LHX9: variants seen among roughly 807,000 people sequenced by gnomAD.
The protein encoded by LHX9 is LIM homeobox 9.
LHX9 carries 9 observed loss-of-function variants against 36.5 expected under a neutral mutation model. That is an observed-to-expected ratio of 0.25 (90% CI 0.15 to 0.43). The LOEUF (loss-of-function observed/expected upper bound fraction) is 0.43. Among genes scored for constraint, LHX9 ranks in the 20% least tolerant of loss-of-function variants. LHX9 has a pLI of 1.00. For missense variants in LHX9, 464 were observed against 526.4 expected, an observed-to-expected ratio of 0.88 and a Z score of 1.16; for synonymous variants, 211 against 212.1, an observed-to-expected ratio of 0.99 and a Z score of 0.04.
In LHX9 at chr1:197,931,348, A is replaced by G. The variant is rs1359145863; in HGVS notation, c.*2089A>G. On this transcript the variant is annotated 3_prime_UTR_variant, in exon 5 of 5. Transcript: ENST00000367387. ...ATAGTACAGTAAGTGGTCTAGCAAA[A>G]TTGTCCATGTTTCTTTGTTTATTGA... The G allele has an allele frequency of 1.3e-5, 2 of 152,010 alleles. No individual in the cohort carries two copies. Among genetic ancestry groups the G allele is most frequent in the Non-Finnish European group, 2.9e-5 (2 of 67,882 alleles). The allele number at this position is 152,010 out of a possible 1,614,324, so 9.4% of individuals were successfully genotyped here.
Position 197,930,028 on chromosome 1 carries a change from C to A in LHX9, c.*769C>A. ...GATTTTGACATTCCATACTTTTAAC[C>A]TCCTAAAGCTAAAAACAATAGCTCG... On this transcript the variant is annotated 3_prime_UTR_variant, in exon 5 of 5. Coordinates refer to ENST00000367387, the MANE Select transcript of LHX9 (RefSeq NM_020204.3). 1.0e-6 allele frequency: 1 copy of A among 981,814 alleles called. No individual in the cohort carries two copies. 60.8% of individuals were successfully genotyped at this position (981,814 alleles called of 1,614,324 possible).
chr1:197,913,789 G>A (rs1426725451), upstream of LHX9, among the ~76,000 whole-genome samples: 2 of 152,196 alleles, frequency 1.3e-5, no homozygotes, highest in Non-Finnish European at 2.9e-5. Flanking sequence ...GAAAGGTAAC[G>A]CCTCCTTCTT....
Position 197,920,236 on chromosome 1 carries a change from C to T in LHX9, c.377+62C>T, listed in dbSNP as rs982801593. On this transcript the variant is annotated intron_variant, in intron 2 of 4. Coordinates refer to ENST00000367387, the MANE Select transcript of LHX9 (RefSeq NM_020204.3). ...CACCTGGAGGGGCCATCTGCCTGAGCCCGGAATCCCCTCTCCGTCCCCTAC... is the reference window on the plus strand; with the variant it reads ...CACCTGGAGGGGCCATCTGCCTGAGTCCGGAATCCCCTCTCCGTCCCCTAC... 20 of 1,490,122 alleles carry T rather than the reference C, an allele frequency of 1.3e-5. No individual in the cohort carries two copies. The African/African-American group carries it at 2.6e-4, about 20-fold the overall frequency. 92.3% of individuals were successfully genotyped at this position (1,490,122 alleles called of 1,614,324 possible).
Position 197,935,366 on chromosome 1 carries a change from T to A in LHX9, c.*6107T>A, listed in dbSNP as rs866057430. On this transcript the variant is annotated 3_prime_UTR_variant, in exon 5 of 5. Transcript: ENST00000367387. ...TCACATATTAGAATTGTCAGGAAAG[T>A]TTTTTTCTTTTGGAACTTTCTGTTT... 6.6e-5 allele frequency: 10 copies of A among 152,302 alleles called. No homozygotes were observed. The highest frequency in any genetic ancestry group is 3.9e-4 in the East Asian group (2 of 5,190). The allele number at this position is 152,302 out of a possible 1,614,324, so 9.4% of individuals were successfully genotyped here.
At position 197,929,677 on chromosome 1, in the gene LHX9, A is replaced by G. The variant is rs539239055; in HGVS notation, c.*418A>G. On this transcript the variant is annotated 3_prime_UTR_variant, in exon 5 of 5. Transcript: ENST00000367387. ...TTAATAAAGAACCAGATAATTAATT[A>G]GTTACTTTTTAAATCTTGCAATTGT... 3.6e-5 allele frequency: 33 copies of G among 916,864 alleles called. No individual in the cohort carries two copies. The Admixed American group carries it at 6.8e-4, about 19-fold the overall frequency. The allele number at this position is 916,864 out of a possible 1,614,324, so 56.8% of individuals were successfully genotyped here. A position where few individuals can be genotyped will look rare whatever the true frequency, so the allele number is the denominator to read the frequency against.
At chr1:197,914,296 A>T (rs1659689804), upstream of LHX9, among the ~76,000 whole-genome samples, 1 of 152,174 alleles carries the variant, frequency 6.6e-6, no homozygotes, top group African/African-American at 2.4e-5. Context: ...GGCTAGAGAG[A>T]ACCACATGCA....
chr1:197,914,430 C>T (rs552216232), upstream of LHX9, among the ~76,000 whole-genome samples: 2 of 152,226 alleles, frequency 1.3e-5, no homozygotes, highest in South Asian at 4.2e-4. Context: ...GCCACCGGGC[C>T]TCAGCCCCTC....
At chr1:197,918,971 A>T (rs1359638521) in intron 1 of LHX9, among the ~76,000 whole-genome samples, 1 of 152,008 alleles carries the variant, frequency 6.6e-6, no homozygotes, top group African/African-American at 2.4e-5. Context: ...ACGTGTCTAT[A>T]TTTGTAACAC....
chr1:197,913,922 C>A (rs940093500), upstream of LHX9, among the ~76,000 whole-genome samples: 1 of 152,244 alleles, frequency 6.6e-6, no homozygotes, highest in African/African-American at 2.4e-5. Context: ...TCAACCCTAA[C>A]TGTTCTGTGG....
At chr1:197,917,168 C>T (rs1003875339), upstream of LHX9, 1 of 933,576 alleles carries the variant, frequency 1.1e-6, no homozygotes, top group African/African-American at 1.8e-5. Flanking sequence ...CCCCCTCCTC[C>T]TGCCTCCCCG....
In LHX9 at chr1:197,931,880, G is replaced by T; in HGVS notation, c.*2621G>T. 2.0e-6 allele frequency: 3 copies of T among 1,486,432 alleles called. No homozygotes were observed. The highest frequency in any genetic ancestry group is 4.9e-5 in the East Asian group (2 of 40,536). 92.1% of individuals were successfully genotyped at this position (1,486,432 alleles called of 1,614,324 possible). ...ATTGCAGACCCCTAAAAGCCAAGTT[G>T]CTCTGTAGTTAATAAATTGTCACTA... On this transcript the variant is annotated 3_prime_UTR_variant, in exon 5 of 5. Coordinates refer to ENST00000367387, the MANE Select transcript of LHX9 (RefSeq NM_020204.3).
chr1:197,917,500 C>G lies in LHX9; in HGVS notation c.-324C>G, dbSNP rs1383886994. The G allele has an allele frequency of 2.2e-6, 3 of 1,391,920 alleles. No homozygotes were observed. The highest frequency in any genetic ancestry group is 2.2e-5 in the Admixed American group (1 of 45,924). The allele number at this position is 1,391,920 out of a possible 1,614,324, so 86.2% of individuals were successfully genotyped here. A position where few individuals can be genotyped will look rare whatever the true frequency, so the allele number is the denominator to read the frequency against. Reference sequence around the variant, plus strand: ...TTCACCAGATTTTGTTTTCCTCCCCCCGCTGCAGTTGTTTCCCATTAGTAA... The same window carrying G: ...TTCACCAGATTTTGTTTTCCTCCCCGCGCTGCAGTTGTTTCCCATTAGTAA... On this transcript the variant is annotated 5_prime_UTR_variant, in exon 1 of 5. Coordinates refer to ENST00000367387, the MANE Select transcript of LHX9 (RefSeq NM_020204.3).
chr1:197,934,587 A>G lies in LHX9; in HGVS notation c.*5328A>G, dbSNP rs930257272. ...TTCCACAACAGGGCAAAATAAGCAC[A>G]GTAGGACTTAGTCCAAATTGACGAA... is the stretch of plus-strand genomic sequence containing the variant. On this transcript the variant is annotated 3_prime_UTR_variant, in exon 5 of 5. Transcript: ENST00000367387. 6.6e-6 allele frequency: 1 copy of G among 152,198 alleles called. No individual in the cohort carries two copies. The highest frequency in any genetic ancestry group is 1.5e-5 in the Non-Finnish European group (1 of 68,034). 9.4% of individuals were successfully genotyped at this position (152,198 alleles called of 1,614,324 possible).
At position 197,917,575 on chromosome 1, in the gene LHX9, C is replaced by T. The variant is rs2102590964; in HGVS notation, c.-249C>T. 1.3e-6 allele frequency: 2 copies of T among 1,495,034 alleles called. No individual in the cohort carries two copies. The highest frequency in any genetic ancestry group is 2.5e-5 in the South Asian group (2 of 80,968). 92.6% of individuals were successfully genotyped at this position (1,495,034 alleles called of 1,614,324 possible). ...TCGCCTTCTACGCCTCTTTTTCCCT[C>T]CGCCCGAATTGTTTGTTTTCTGCAC... On this transcript the variant is annotated 5_prime_UTR_variant, in exon 1 of 5. Transcript: ENST00000367387.
chr1:197,933,224 A>G lies in LHX9; in HGVS notation c.*3965A>G, dbSNP rs1160256184. 4 of 152,146 alleles carry G rather than the reference A, an allele frequency of 2.6e-5. No individual in the cohort carries two copies. Among genetic ancestry groups the G allele is most frequent in the Admixed American group, 6.6e-5 (1 of 15,258 alleles). 9.4% of individuals were successfully genotyped at this position (152,146 alleles called of 1,614,324 possible). On this transcript the variant is annotated 3_prime_UTR_variant, in exon 5 of 5. Coordinates refer to ENST00000367387, the MANE Select transcript of LHX9 (RefSeq NM_020204.3). ...TTTTTATTATATACAAATGAACCCT[A>G]TGTAAATGATGTAACTTTTATGAAT...
In LHX9 at chr1:197,917,416, A is replaced by G. The variant is rs747222308; in HGVS notation, c.-408A>G. ...AGGCACTGGGAACTTGCAAGCAGCC[A>G]GGGAACGCTGAAAATAGCACGTCTT... On this transcript the variant is annotated 5_prime_UTR_variant, in exon 1 of 5. Coordinates refer to ENST00000367387, the MANE Select transcript of LHX9 (RefSeq NM_020204.3). 7.6e-7 allele frequency: 1 copy of G among 1,309,730 alleles called. No individual in the cohort carries two copies. Among genetic ancestry groups the G allele is most frequent in the East Asian group, 5.4e-5 (1 of 18,416 alleles). The allele number at this position is 1,309,730 out of a possible 1,614,324, so 81.1% of individuals were successfully genotyped here.
chr1:197,924,593 AAC>A (rs1251915529), intron 3 of LHX9, among the ~76,000 whole-genome samples: 10 of 152,376 alleles, frequency 6.6e-5, no homozygotes, highest in African/African-American at 2.2e-4. Flanking sequence ...GTGTAATTTA[AAC>A]ATTAATTGAG....
At chr1:197,917,292 G>T (rs1300816110), upstream of LHX9, 5 of 1,230,658 alleles carry the variant, frequency 4.1e-6, no homozygotes, top group African/African-American at 8.0e-5. Flanking sequence ...CAGCTCCGGG[G>T]AGAGAACTCC....
chr1:197,927,640 T>C lies in LHX9; in HGVS notation c.783T>C (p.Tyr261=). 1 of 1,614,140 alleles carries C rather than the reference T, an allele frequency of 6.2e-7. No homozygotes were observed. The highest frequency in any genetic ancestry group is 8.5e-7 in the Non-Finnish European group (1 of 1,180,032). ...ACTTGGACCGGGACCAGCAGCCTTA[T>C]CCACCCTCGCAGAAGACCAAGCGCA... ...ADHLDRDQQP[Y]PPSQKTKRMR... Residue 261 remains tyrosine (Y), a synonymous_variant, in exon 4 of 5, where the codon TAT becomes TAC. Transcript: ENST00000367387.
Sources: allele counts gnomAD v4.1 joint callset (sites outside exome capture counted in the v4.1 genomes callset), GRCh38; gene constraint gnomAD v4.1.1; transcripts MANE v1.5; gene names NCBI Gene and HGNC (gene_info 2026-07-23, HGNC 2026-07-21).